Variants in ENPP6 observed in about 807,000 individuals in gnomAD.
ENPP6 encodes ectonucleotide pyrophosphatase/phosphodiesterase 6, also known as glycerophosphocholine cholinephosphodiesterase ENPP6.
Under a neutral mutation model 42.0 loss-of-function variants are expected in ENPP6, and 32 were observed. That is an observed-to-expected ratio of 0.76 (90% confidence interval 0.58 to 1.02). ENPP6 has a LOEUF of 1.02. Among genes scored for constraint, ENPP6 ranks in the 50% least tolerant of loss-of-function variants. The pLI is 0.00. For synonymous variants in ENPP6, 213 were observed against 216.0 expected, an observed-to-expected ratio of 0.99 and a Z score of 0.12; for missense variants, 552 against 566.8, an observed-to-expected ratio of 0.97 and a Z score of 0.27.
intron 2 of ENPP6, among the ~76,000 whole-genome samples, chr4:184,127,688 T>G (rs989650960): frequency 1.3e-5 from 2 of 152,064 alleles, no homozygotes; most frequent in Non-Finnish European, 2.9e-5. Context: ...ACCTGGTGGG[T>G]GGAGGTTGCA....
chr4:184,213,294 G>C (rs1163401976), intron 1 of ENPP6, among the ~76,000 whole-genome samples: 1 of 151,302 alleles, frequency 6.6e-6, no homozygotes, highest in Non-Finnish European at 1.5e-5. Context: ...CCATCAGAGT[G>C]AACAGGCAAC....
rs1560997070 is a variant in ENPP6 at position 184,161,572 on chromosome 4, T to C, written c.242-7839A>G. On this transcript the variant is annotated intron_variant, in intron 1 of 7. Transcript: ENST00000296741. ...AGAGGTCATTATATGAAAAAGATAC[T>C]GGCATATACATGTTTATAGCAGCAC... 4.6e-5 allele frequency among the ~76,000 whole-genome samples: 7 copies of C among 152,190 alleles called. No homozygotes were observed. In the South Asian group the frequency reaches 1.4e-3, roughly 32 times the overall value.
intron 1 of ENPP6, among the ~76,000 whole-genome samples, chr4:184,191,434 G>A (rs1021559521): frequency 1.3e-5 from 2 of 152,192 alleles, no homozygotes; most frequent in Non-Finnish European, 2.9e-5. Flanking sequence ...CCGGCTACTT[G>A]TAATAAAGGA....
At chr4:184,116,747 AAC>A (rs1240086545) in intron 5 of ENPP6, 107 bp downstream of exon 5, 216 of 1,422,116 alleles carry the variant, frequency 1.5e-4, no homozygotes, top group South Asian at 1.8e-4. Context: ...AAAAGAAACA[AAC>A]ACACACACAC....
At chr4:184,199,218 A>G (rs1732853642) in intron 1 of ENPP6, among the ~76,000 whole-genome samples, 1 of 152,150 alleles carries the variant, frequency 6.6e-6, no homozygotes, top group South Asian at 2.1e-4. Context: ...TGATGCCTTG[A>G]CGTGCCCCAG....
At position 184,091,240 on chromosome 4, in the gene ENPP6, A is replaced by T; in HGVS notation, c.1260T>A (p.Thr420=). 6.3e-7 allele frequency: 1 copy of T among 1,595,302 alleles called. No homozygotes were observed. The highest frequency in any genetic ancestry group is 8.5e-7 in the Non-Finnish European group (1 of 1,170,786). ...VMCMLKGRAS[T]APPVWPSHCA... The stretch of plus-strand genomic sequence containing the variant: ...AGTGGCTGGGCCAGACAGGCGGGGC[A>T]GTGCTGGCGCGGCCCTTCAGCATGC... Residue 420 remains threonine, a synonymous_variant, in exon 8 of 8, where the codon ACT becomes ACA. Transcript: ENST00000296741.
intron 2 of ENPP6, among the ~76,000 whole-genome samples, chr4:184,133,161 TCACACACACACA>T (rs66979248): frequency 2.9e-5 from 4 of 139,942 alleles, no homozygotes; most frequent in Admixed American, 1.4e-4. Context: ...ACCTGTCAAT[TCACACACACACA>T]CACACACACA....
intron 1 of ENPP6, among the ~76,000 whole-genome samples, chr4:184,167,223 C>T (rs1737364125): frequency 6.6e-6 from 1 of 152,208 alleles, no homozygotes; most frequent in South Asian, 2.1e-4. Context: ...TCAAGCTATT[C>T]TCCTGCCTCA....
chr4:184,211,445 G>A (rs1231396042), intron 1 of ENPP6, among the ~76,000 whole-genome samples: 1 of 151,800 alleles, frequency 6.6e-6, no homozygotes, highest in Non-Finnish European at 1.5e-5. Flanking sequence ...TACCATCAGA[G>A]AATACTACAA....
At chr4:184,097,877 C>T (rs1323008227) in intron 6 of ENPP6, among the ~76,000 whole-genome samples, 1 of 152,082 alleles carries the variant, frequency 6.6e-6, no homozygotes, top group East Asian at 1.9e-4. Context: ...GGGGACTGGC[C>T]ACCAGAGGAA....
At chr4:184,208,697 A>G (rs1223193832) in intron 1 of ENPP6, among the ~76,000 whole-genome samples, 1 of 148,442 alleles carries the variant, frequency 6.7e-6, no homozygotes, top group Non-Finnish European at 1.5e-5. Flanking sequence ...TTGCTTAGGT[A>G]AACAAAGCAG....
chr4:184,092,918 C>T (rs1735833030), intron 7 of ENPP6, among the ~76,000 whole-genome samples: 1 of 152,202 alleles, frequency 6.6e-6, no homozygotes, highest in Admixed American at 6.5e-5. Flanking sequence ...CAATATATTG[C>T]AGAGGTATCA....
intron 1 of ENPP6, among the ~76,000 whole-genome samples, chr4:184,213,599 G>A (rs1184015419): frequency 1.3e-5 from 2 of 150,500 alleles, no homozygotes; most frequent in Admixed American, 1.3e-4. Context: ...AACAGGTGCT[G>A]GAGAGGATGT....
intron 1 of ENPP6, among the ~76,000 whole-genome samples, chr4:184,192,303 A>G (rs1732722214): frequency 6.6e-6 from 1 of 152,256 alleles, no homozygotes; most frequent in Non-Finnish European, 1.5e-5. Context: ...ATTGGAATAA[A>G]ATTGAGAGCC....
chr4:184,098,312 C>G (rs1735945411), intron 6 of ENPP6, among the ~76,000 whole-genome samples: 1 of 152,226 alleles, frequency 6.6e-6, no homozygotes, highest in Non-Finnish European at 1.5e-5. Context: ...GAGGCCCACT[C>G]TAACTCCAGG....
chr4:184,198,805 A>C (rs1230567450), intron 1 of ENPP6, among the ~76,000 whole-genome samples: 1 of 152,228 alleles, frequency 6.6e-6, no homozygotes, highest in African/African-American at 2.4e-5. Context: ...TAAGTAATCC[A>C]CATTGTTCAA....
chr4:184,178,929 G>C (rs1732495339), intron 1 of ENPP6, among the ~76,000 whole-genome samples: 1 of 152,120 alleles, frequency 6.6e-6, no homozygotes, highest in Non-Finnish European at 1.5e-5. Flanking sequence ...ACAGACTGAA[G>C]TACAAAGACC....
intron 1 of ENPP6, among the ~76,000 whole-genome samples, chr4:184,164,961 A>G (rs892051048): frequency 6.6e-6 from 1 of 152,160 alleles, no homozygotes; most frequent in African/African-American, 2.4e-5. Flanking sequence ...GATTCCCAGC[A>G]CTCAGGAAGC....
rs115479682 is a variant in ENPP6, at chr4:184,122,921, C to T, written c.533+1240G>A. Among the ~76,000 whole-genome samples the T allele has an allele frequency of 4.3e-3, 652 of 152,336 alleles. 4 individuals carry two copies. Among genetic ancestry groups the T allele is most frequent in the African/African-American group, 0.015 (625 of 41,570 alleles). The stretch of plus-strand genomic sequence containing the variant: ...CTGCTACACGTGCTGTGCTATTCTG[C>T]TTCACTCGCACAAAACTAGACTGCA... On this transcript the variant is annotated intron_variant, in intron 3 of 7. Coordinates refer to ENST00000296741, the MANE Select transcript of ENPP6 (RefSeq NM_153343.4).
Sources: allele counts gnomAD v4.1 joint callset (sites outside exome capture counted in the v4.1 genomes callset), GRCh38; gene constraint gnomAD v4.1.1; transcripts MANE v1.5; gene names NCBI Gene and HGNC (gene_info 2026-07-23, HGNC 2026-07-21).